ARID1A: variants seen among roughly 807,000 people sequenced by gnomAD.
ARID1A encodes the protein AT-rich interactive domain-containing protein 1A.
A neutral mutation model predicts 212.6 loss-of-function variants in ARID1A; 20 were observed. That is an observed-to-expected ratio of 0.09 (90% confidence interval 0.07 to 0.14). The LOEUF is 0.14. Ranked by LOEUF, ARID1A falls within the 10% of genes least tolerant of loss-of-function variation. The probability of loss-of-function intolerance (pLI) is 1.00; values close to 1 mark genes in which losing one functional copy is unlikely to be tolerated. For missense variants in ARID1A, 2,587 were observed against 3,059.0 expected, an observed-to-expected ratio of 0.85 and a Z score of 3.64; for synonymous variants, 1,376 against 1,222.1, an observed-to-expected ratio of 1.13 and a Z score of -2.63.
At chr1:26,712,606 A>T (rs1430842229) in intron 1 of ARID1A, among the ~76,000 whole-genome samples, 2 of 151,938 alleles carry the variant, frequency 1.3e-5, no homozygotes. Flanking sequence ...CAGGAGGATC[A>T]CTTGAGCCCA....
intron 4 of ARID1A, among the ~76,000 whole-genome samples, chr1:26,756,153 T>G (rs1355112633): frequency 6.6e-6 from 1 of 152,070 alleles, no homozygotes; most frequent in African/African-American, 2.4e-5. Context: ...GGCTCATGCC[T>G]GTAATCCCAG....
intron 5 of ARID1A, 70 bp from the exon 6 acceptor site, chr1:26,761,314 G>A: frequency 6.3e-7 from 1 of 1,579,554 alleles, no homozygotes; most frequent in Middle Eastern, 1.7e-4. Context: ...TTCTAGCTCT[G>A]AATTAACTTC....
intron 8 of ARID1A, chr1:26,765,550 G>C (rs185895573): frequency 6.6e-6 from 1 of 151,428 alleles, no homozygotes; most frequent in Non-Finnish European, 1.5e-5. Context: ...AGTATCTTTC[G>C]TGGGAGGTAG....
intron 4 of ARID1A, among the ~76,000 whole-genome samples, chr1:26,756,530 T>G (rs2080938253): frequency 6.7e-6 from 1 of 148,228 alleles, no homozygotes; most frequent in Admixed American, 6.8e-5. Context: ...CCCTCCAGCC[T>G]GGGTGACAGA....
Position 26,697,414 on chromosome 1 carries a change from G to T in ARID1A, c.1011G>T (p.Trp337Cys), listed in dbSNP as rs1323360268. The T allele has an allele frequency of 1.3e-5, 18 of 1,351,292 alleles. No individual in the cohort carries two copies. The Admixed American group carries it at 1.6e-4, about 12-fold the overall frequency. 83.7% of individuals were successfully genotyped at this position (1,351,292 alleles called of 1,614,324 possible). Residue 337 changes from tryptophan (W) to cysteine (C), a missense_variant, in exon 1 of 20, where the codon TGG becomes TGT. Trp to Cys is a radical substitution (Grantham distance 215). Around this residue, in one of 11 missense-constraint regions of ARID1A, gnomAD observed 735 missense variants for 590.6 expected, o/e 1.24. Coordinates refer to ENST00000324856, the MANE Select transcript of ARID1A (RefSeq NM_006015.6). ...KGPADMASQC[W>C]GAAAAAAAAA... is the part of the protein sequence containing the mutation. ...CGGCGGACATGGCCTCGCAGTGTTG[G>T]GGGGCTGCGGCGGCGGCAGCTGCGG...
At chr1:26,707,985 G>T (rs1020764478) in intron 1 of ARID1A, among the ~76,000 whole-genome samples, 1 of 152,128 alleles carries the variant, frequency 6.6e-6, no homozygotes, top group African/African-American at 2.4e-5. Context: ...TTTTACAATA[G>T]CCTGAAACTC....
At position 26,777,969 on chromosome 1, in the gene ARID1A, G is replaced by C. The variant is rs902884766; in HGVS notation, c.5125-1054G>C. 6 of 151,694 alleles carry C rather than the reference G, an allele frequency of 4.0e-5. No homozygotes were observed. The East Asian group carries it at 1.2e-3, about 29-fold the overall frequency. 9.4% of individuals were successfully genotyped at this position (151,694 alleles called of 1,614,324 possible). A position where few individuals can be genotyped will look rare whatever the true frequency, so the allele number is the denominator to read the frequency against. On this transcript the variant is annotated intron_variant, in intron 19 of 19. Coordinates refer to ENST00000324856, the MANE Select transcript of ARID1A (RefSeq NM_006015.6). ...TCTAATCCCAGCTACTTGGGAGGCA[G>C]AGGCAGAAGAATCACTTTGAACCCA... is the stretch of plus-strand genomic sequence containing the variant.
chr1:26,701,697 T>TC (rs1355698075), intron 1 of ARID1A, among the ~76,000 whole-genome samples: 13 of 152,206 alleles, frequency 8.5e-5, no homozygotes, highest in Non-Finnish European at 1.5e-5. Context: ...TGTACATAAA[T>TC]CAGGGGTCTT....
chr1:26,756,695 C>G (rs1313101737), intron 4 of ARID1A, among the ~76,000 whole-genome samples: 1 of 151,718 alleles, frequency 6.6e-6, no homozygotes, highest in African/African-American at 2.4e-5. Context: ...CCTATAATAG[C>G]TGAAATGTTT....
intron 4 of ARID1A, among the ~76,000 whole-genome samples, chr1:26,760,348 A>G (rs2080979042): frequency 6.6e-6 from 1 of 152,208 alleles, no homozygotes; most frequent in South Asian, 2.1e-4. Context: ...GGTCTAATAT[A>G]TATTCCACCT....
At chr1:26,761,225 T>G in intron 5 of ARID1A, 129 bp downstream of exon 5, 1 of 1,482,084 alleles carries the variant, frequency 6.7e-7, no homozygotes, top group Admixed American at 2.1e-5. Flanking sequence ...CCTTAGCATT[T>G]GGAGAAGGAG....
rs377622327 is a variant in ARID1A at position 26,773,685 on chromosome 1, C to T, written c.3972C>T (p.Tyr1324=). ...PDSGMYSPSR[Y]PPQQQQQQQQ... ...CGGGGATGTATTCTCCTAGCCGCTA[C>T]CCCCCGCAGCAGCAGCAGCAGCAGC... The change falls in exon 16 of 20, where the codon TAC becomes TAT. Residue 1324 remains tyrosine (Y), a synonymous_variant. Transcript: ENST00000324856. 3.5e-5 allele frequency: 56 copies of T among 1,614,114 alleles called. No homozygotes were observed. The South Asian group carries it at 4.8e-4, about 14-fold the overall frequency.
intron 1 of ARID1A, among the ~76,000 whole-genome samples, chr1:26,715,808 G>GGCTCATT (rs1188765492): frequency 6.6e-6 from 1 of 152,004 alleles, no homozygotes; most frequent in Non-Finnish European, 1.5e-5. Context: ...TGGAGTTCCA[G>GGCTCATT]GCCAGCCTGG....
chr1:26,712,836 G>C (rs2080466855), intron 1 of ARID1A, among the ~76,000 whole-genome samples: 1 of 152,240 alleles, frequency 6.6e-6, no homozygotes, highest in Non-Finnish European at 1.5e-5. Flanking sequence ...GATTGTGCTT[G>C]GCACAGATGT....
chr1:26,749,248 T>G (rs1478375883), intron 4 of ARID1A, among the ~76,000 whole-genome samples: 1 of 152,168 alleles, frequency 6.6e-6, no homozygotes, highest in Non-Finnish European at 1.5e-5. Flanking sequence ...TAGCTTTGGC[T>G]CTCTCTTGGA....
At chr1:26,734,334 A>G (rs1388714322) in intron 4 of ARID1A, among the ~76,000 whole-genome samples, 2 of 122,322 alleles carry the variant, frequency 1.6e-5, no homozygotes, top group Non-Finnish European at 3.4e-5. Context: ...ATAGATCTGT[A>G]TTTGGCTTCT....
rs774182168 is a variant in ARID1A, at chr1:26,766,286, G to A, written c.2798G>A (p.Gly933Glu). Reference protein sequence around the residue: ...MMGTGPPYGQGINSMAGMINP... With the variant: ...MMGTGPPYGQEINSMAGMINP... ...GGAACTGGACCTCCTTATGGACAAG[G>A]GATTAATAGTATGGCTGGCATGATC... is the stretch of plus-strand genomic sequence containing the variant. Residue 933 changes from glycine (G) to glutamate (E), a missense_variant, in exon 9 of 20, where the codon GGG (glycine) becomes GAG (glutamate). By Grantham distance (98) the Gly-to-Glu change is moderately conservative. Around this residue, in one of 11 missense-constraint regions of ARID1A, gnomAD observed 674 missense variants for 813.4 expected, o/e 0.83. Transcript: ENST00000324856. 1 of 1,614,012 alleles carries A rather than the reference G, an allele frequency of 6.2e-7. No homozygotes were observed. The highest frequency in any genetic ancestry group is 2.2e-5 in the East Asian group (1 of 44,894).
chr1:26,733,926 C>T (rs939946435), intron 4 of ARID1A, among the ~76,000 whole-genome samples: 5 of 152,148 alleles, frequency 3.3e-5, no homozygotes, highest in African/African-American at 1.2e-4. Flanking sequence ...CCATGGATTC[C>T]CCTGAAGGTC....
intron 1 of ARID1A, among the ~76,000 whole-genome samples, chr1:26,721,626 ATCT>A (rs1166513715): frequency 2.6e-5 from 4 of 152,226 alleles, no homozygotes; most frequent in African/African-American, 9.7e-5. Context: ...GGAAAAAGTG[ATCT>A]TCATCATTTT....
Sources: gnomAD v4.1 joint callset for allele counts (sites outside exome capture counted in the v4.1 genomes callset) on GRCh38, gnomAD v4.1.1 for gene constraint, gnomAD v4.1.1 regional missense constraint, MANE v1.5 for transcripts, NCBI Gene and HGNC (gene_info 2026-07-23, HGNC 2026-07-21) for gene names.